Variants in UBR1 observed in about 807,000 individuals in gnomAD.
UBR1 encodes E3 ubiquitin-protein ligase UBR1.
In UBR1, 102 loss-of-function variants were observed where a neutral mutation model predicts 242.1. The observed-to-expected ratio is 0.42, with a 90% CI of 0.36 to 0.50. UBR1 has a LOEUF of 0.50. Ranked by LOEUF, UBR1 falls within the 20% of genes least tolerant of loss-of-function variation. UBR1 has a pLI of 0.01. For synonymous variants in UBR1, 675 were observed against 684.8 expected (o/e 0.99, Z 0.22); for missense variants, 1,772 against 2,101.8 (o/e 0.84, Z 3.07).
chr15:43,009,222 T>C (rs184081236), intron 29 of UBR1, among the ~76,000 whole-genome samples: 78 of 152,372 alleles, frequency 5.1e-4, no homozygotes, highest in African/African-American at 1.5e-3. Context: ...TCACAGTTTC[T>C]GGCATCTCTG....
intron 27 of UBR1, among the ~76,000 whole-genome samples, chr15:43,018,428 C>T (rs556028846): frequency 3.2e-4 from 48 of 152,266 alleles, no homozygotes; most frequent in African/African-American, 1.1e-3. Context: ...TTCAGTCTGT[C>T]GTCCAGGCTG....
chr15:43,031,319 A>G (rs2033254763), intron 20 of UBR1, among the ~76,000 whole-genome samples: 2 of 152,228 alleles, frequency 1.3e-5, no homozygotes, highest in African/African-American at 2.4e-5. Context: ...TAGGAAAAAT[A>G]AAACAGTAAA....
chr15:42,972,704 T>C (rs781729258), intron 39 of UBR1, among the ~76,000 whole-genome samples: 5 of 152,186 alleles, frequency 3.3e-5, no homozygotes, highest in Non-Finnish European at 7.3e-5. Flanking sequence ...TGAATAATAT[T>C]TCCACTCTCT....
intron 3 of UBR1, 50 bp from the exon 4 acceptor site, chr15:43,075,139 A>T: frequency 5.3e-6 from 7 of 1,308,892 alleles, no homozygotes; most frequent in Non-Finnish European, 7.8e-6. Flanking sequence ...TTTACTAAGC[A>T]TGAAGAATGA....
At chr15:43,094,896 G>A (rs890836163) in intron 1 of UBR1, among the ~76,000 whole-genome samples, 4 of 152,108 alleles carry the variant, frequency 2.6e-5, no homozygotes, top group African/African-American at 7.2e-5. Flanking sequence ...TTGAGATAAC[G>A]TATAAGCATG....
intron 1 of UBR1, among the ~76,000 whole-genome samples, chr15:43,096,176 T>C (rs569264479): frequency 2.1e-4 from 31 of 148,262 alleles, no homozygotes; most frequent in Non-Finnish European, 3.9e-4. Context: ...ATTTCTCTCT[T>C]TTTTTTTTTT....
At chr15:42,975,372 A>T (rs1275635467) in intron 39 of UBR1, among the ~76,000 whole-genome samples, 1 of 152,214 alleles carries the variant, frequency 6.6e-6, no homozygotes, top group African/African-American at 2.4e-5. Context: ...AAAACTGCAT[A>T]GAATTTCATT....
intron 44 of UBR1, among the ~76,000 whole-genome samples, chr15:42,954,550 A>C (rs1261466490): frequency 6.6e-6 from 1 of 152,062 alleles, no homozygotes; most frequent in East Asian, 1.9e-4. Context: ...CGAGTCAAAG[A>C]GGGGCTCTTT....
At chr15:43,062,450 AGGGGGAATTGTTCAAT>A (rs2033700699) in intron 6 of UBR1, among the ~76,000 whole-genome samples, 1 of 152,102 alleles carries the variant, frequency 6.6e-6, no homozygotes. Context: ...GGAGGGGAAA[AGGGGGAATTGTTCAAT>A]GGATATAAAG....
At chr15:42,961,490 C>G (rs565737507) in intron 42 of UBR1, among the ~76,000 whole-genome samples, 10 of 148,418 alleles carry the variant, frequency 6.7e-5, no homozygotes, top group African/African-American at 2.5e-4. Context: ...ATGGCGCGAT[C>G]TTGGCTCACT....
In UBR1 at chr15:43,037,802, G is replaced by A. The variant is rs1292700460; in HGVS notation, c.1993C>T (p.Arg665Ter). 1 of 1,613,878 alleles carries A rather than the reference G, an allele frequency of 6.2e-7. No individual in the cohort carries two copies. Among genetic ancestry groups the A allele is most frequent in the Non-Finnish European group, 8.5e-7 (1 of 1,179,990 alleles). ...LVAQVVAEMW[R>*]RNGLSLISQV... Reference sequence around the variant, plus strand: ...CTAATAAGAGACAGTCCATTTCTTCGCCACATCTCAGCAACAACCTGGGCA... The same window carrying A: ...CTAATAAGAGACAGTCCATTTCTTCACCACATCTCAGCAACAACCTGGGCA... The change falls in exon 17 of 47, where the codon CGA becomes TGA. Residue 665 changes from arginine to a stop codon, truncating the protein, a stop_gained. Coordinates refer to ENST00000290650, the MANE Select transcript of UBR1 (RefSeq NM_174916.3). LOFTEE classifies it high-confidence loss of function.
chr15:43,081,767 C>A (rs2033977592), intron 3 of UBR1, among the ~76,000 whole-genome samples: 1 of 151,966 alleles, frequency 6.6e-6, no homozygotes, highest in South Asian at 2.1e-4. Context: ...CTATCTCTTG[C>A]CATTTTATTC....
At chr15:43,105,761 T>C (rs539414320) in intron 1 of UBR1, among the ~76,000 whole-genome samples, 181 bp downstream of exon 1, 1 of 152,332 alleles carries the variant, frequency 6.6e-6, no homozygotes, top group African/African-American at 2.4e-5. Context: ...TTATATTCCG[T>C]AGACTTGGCT....
At position 43,070,248 on chromosome 15, in the gene UBR1, T is replaced by TAA. The variant is rs746635905; in HGVS notation, c.659+545_659+546dup. On this transcript the variant is annotated intron_variant, in intron 5 of 46. Transcript: ENST00000290650. ...CTACCAGAAATTGCTGAGTTCTAGC[T>TAA]AAAAAAAAAAAAAAAAAAAAAAAAA... Among the ~76,000 whole-genome samples the TAA allele has an allele frequency of 7.5e-4, 19 of 25,258 alleles. 1 individual carries two copies. Among genetic ancestry groups the TAA allele is most frequent in the African/African-American group, 1.2e-3 (8 of 6,766 alleles). The allele number at this position is 25,258 out of a possible 152,430, so 16.6% of individuals were successfully genotyped here. A position where few individuals can be genotyped will look rare whatever the true frequency, so the allele number is the denominator to read the frequency against.
At position 42,954,593 on chromosome 15, in the gene UBR1, A is replaced by T. The variant is rs148386184; in HGVS notation, c.4836-2145T>A. Among the ~76,000 whole-genome samples the T allele has an allele frequency of 7.2e-3, 1,103 of 152,188 alleles. 5 individuals are homozygous for T. The highest frequency in any genetic ancestry group is 0.011 in the Non-Finnish European group (736 of 67,990). Reference sequence around the variant, plus strand: ...CAAATGATCTTTTATTTTTTGAGACAGTCTTACTCTGTTGCCCAGGCTGAA... The same window carrying T: ...CAAATGATCTTTTATTTTTTGAGACTGTCTTACTCTGTTGCCCAGGCTGAA... On this transcript the variant is annotated intron_variant, in intron 44 of 46. Transcript: ENST00000290650.
rs375684584 is a variant in UBR1 at position 42,977,946 on chromosome 15, A to T, written c.4152T>A (p.Val1384=). 6.2e-7 allele frequency: 1 copy of T among 1,609,908 alleles called. No individual in the cohort carries two copies. Among genetic ancestry groups the T allele is most frequent in the African/African-American group, 1.3e-5 (1 of 74,952 alleles). Reference sequence around the variant, plus strand: ...CTTCTGATTTTATGTTAGGAAGAACAACTAAAACAAACAAAAAGTTAATGT... The same window carrying T: ...CTTCTGATTTTATGTTAGGAAGAACTACTAAAACAAACAAAAAGTTAATGT... ...IQKHLVRLLS[V]VLPNIKSEDT... is the part of the protein sequence containing the mutation. The change falls in exon 38 of 47, where the codon GTT becomes GTA. Residue 1384 remains valine, a splice_region_variant and synonymous_variant. Transcript: ENST00000290650.
chr15:42,947,412 T>C (rs2031755688), intron 46 of UBR1, among the ~76,000 whole-genome samples: 1 of 152,092 alleles, frequency 6.6e-6, no homozygotes, highest in Non-Finnish European at 1.5e-5. Context: ...CTATTCAACA[T>C]AGTGTTGGAA....
chr15:43,028,756 AAAAC>A (rs1299647453), intron 21 of UBR1, among the ~76,000 whole-genome samples: 23 of 150,258 alleles, frequency 1.5e-4, no homozygotes, highest in Non-Finnish European at 2.7e-4. Flanking sequence ...CAAAAAAAAA[AAAAC>A]AAACAAACAA....
intron 1 of UBR1, among the ~76,000 whole-genome samples, chr15:43,092,400 TGAG>T (rs2034115296): frequency 6.6e-6 from 1 of 152,216 alleles, no homozygotes; most frequent in Non-Finnish European, 1.5e-5. Flanking sequence ...GTAAGCTCCC[TGAG>T]GAGAGGAACT....
Sources: gnomAD v4.1 joint callset for allele counts (sites outside exome capture counted in the v4.1 genomes callset) on GRCh38, gnomAD v4.1.1 for gene constraint, MANE v1.5 for transcripts, NCBI Gene and HGNC (gene_info 2026-07-23, HGNC 2026-07-21) for gene names.